FGF13: variants seen among roughly 807,000 people sequenced by gnomAD.
The protein encoded by FGF13 is fibroblast growth factor 13.
A neutral mutation model predicts 19.5 loss-of-function variants in FGF13; 2 were observed. The observed-to-expected ratio is 0.10, with a 90% confidence interval of 0.04 to 0.32. The LOEUF (loss-of-function observed/expected upper bound fraction) is 0.32, where lower values mean the gene tolerates loss of function less well. Ranked by LOEUF, FGF13 falls within the 10% of genes least tolerant of loss-of-function variation. The pLI is 1.00. For missense variants in FGF13, 113 were observed against 192.7 expected, an observed-to-expected ratio of 0.59 and a Z score of 2.45; for synonymous variants, 72 against 76.9, an observed-to-expected ratio of 0.94 and a Z score of 0.33.
chrX:138,768,737 TG>T lies in FGF13; in HGVS notation c.218-59810del, dbSNP rs201088160. On this transcript the variant is annotated intron_variant, in intron 3 of 6. Coordinates refer to the FGF13 transcript ENST00000436198. ...TATATAAGTATATATTATATATATA[TG>T]ATATATATATATATATAATTTCACA... 3.4e-3 allele frequency among the ~76,000 whole-genome samples: 331 copies of T among 97,435 alleles called. 4 individuals are homozygous for T. Among genetic ancestry groups the T allele is most frequent in the African/African-American group, 0.013 (310 of 23,133 alleles). The allele number at this position is 97,435 out of a possible 115,157, so 84.6% of individuals were successfully genotyped here.
At chrX:139,196,757 G>A (rs892458152) in intron 1 of FGF13, among the ~76,000 whole-genome samples, 3 of 111,640 alleles carry the variant, frequency 2.7e-5, no homozygotes, top group Middle Eastern at 4.7e-3. Context: ...GGATGGCCTC[G>A]GTCTGTTTCT....
intron 1 of FGF13, among the ~76,000 whole-genome samples, chrX:139,131,510 A>G (rs1467210023): frequency 1.8e-5 from 2 of 108,247 alleles, no homozygotes; most frequent in African/African-American, 7.1e-5. Flanking sequence ...CCGAGATTGG[A>G]GGATCTCTTG....
upstream of FGF13, among the ~76,000 whole-genome samples, chrX:139,204,565 G>T (rs1213636451): frequency 8.9e-6 from 1 of 112,937 alleles, no homozygotes; most frequent in Non-Finnish European, 1.9e-5. Context: ...TTGCCTGGGT[G>T]GGCTGCCCGC....
intron 1 of FGF13, among the ~76,000 whole-genome samples, chrX:138,881,282 C>A (rs1378369903): frequency 1.8e-5 from 2 of 111,654 alleles, no homozygotes; most frequent in Admixed American, 1.9e-4. Flanking sequence ...TTGCACCCTG[C>A]AATTTTGCTC....
intron 2 of FGF13, among the ~76,000 whole-genome samples, chrX:138,861,121 A>G (rs2091286134): frequency 8.9e-6 from 1 of 112,443 alleles, no homozygotes; most frequent in South Asian, 3.7e-4. Flanking sequence ...TCAGGTGGGC[A>G]AGCTTGCATC....
chrX:139,164,733 A>G (rs2084067140), intron 1 of FGF13, among the ~76,000 whole-genome samples: 1 of 101,841 alleles, frequency 9.8e-6, no homozygotes, highest in Admixed American at 1.0e-4. Flanking sequence ...ATGAATGGAG[A>G]ATTCTATTAA....
intron 1 of FGF13, among the ~76,000 whole-genome samples, chrX:139,067,092 TA>T (rs1181716118): frequency 8.9e-6 from 1 of 111,764 alleles, no homozygotes; most frequent in Non-Finnish European, 1.9e-5. Flanking sequence ...CTCTTCATGC[TA>T]AAAACTCTCA....
chrX:138,989,178 A>G lies in FGF13; in HGVS notation c.-112-124528T>C, dbSNP rs184571517. 6.3e-5 allele frequency among the ~76,000 whole-genome samples: 7 copies of G among 111,778 alleles called. No individual in the cohort carries two copies. The East Asian group carries it at 1.7e-3, about 27-fold the overall frequency. ...AACGGCATGTGCATTTAACTACCAG[A>G]AAGGACTCTTTACAAACTGGATCAA... On this transcript the variant is annotated intron_variant, in intron 1 of 2. Transcript: ENST00000421460.
At chrX:138,855,509 C>T (rs2091252038), downstream of FGF13, among the ~76,000 whole-genome samples, 1 of 111,406 alleles carries the variant, frequency 9.0e-6, no homozygotes, top group Non-Finnish European at 1.9e-5. Flanking sequence ...GGCAGGAGGA[C>T]CTGGAAGGAG....
intron 1 of FGF13, among the ~76,000 whole-genome samples, chrX:138,935,266 G>C (rs1035615780): frequency 9.0e-6 from 1 of 111,113 alleles, no homozygotes; most frequent in African/African-American, 3.3e-5. Context: ...CTGGGACGCT[G>C]AGCGTTTGAG....
At chrX:138,830,420 T>C (rs956224472) in intron 3 of FGF13, among the ~76,000 whole-genome samples, 2 of 111,576 alleles carry the variant, frequency 1.8e-5, no homozygotes, top group Non-Finnish European at 3.8e-5. Flanking sequence ...AGACCATCCT[T>C]GTTATATAAT....
At chrX:139,118,778 T>C (rs774131546) in intron 1 of FGF13, among the ~76,000 whole-genome samples, 5 of 110,614 alleles carry the variant, frequency 4.5e-5, no homozygotes, top group Non-Finnish European at 9.5e-5. Flanking sequence ...CCTCTCAGCT[T>C]TGGGAGGCTA....
At chrX:139,166,960 G>T (rs1287574272) in intron 1 of FGF13, among the ~76,000 whole-genome samples, 1 of 110,872 alleles carries the variant, frequency 9.0e-6, no homozygotes, top group Non-Finnish European at 1.9e-5. Flanking sequence ...TCAATTTCCA[G>T]CCTCCCTCTT....
chrX:138,728,813 C>T (rs1333564459), intron 1 of FGF13, among the ~76,000 whole-genome samples: 6 of 110,949 alleles, frequency 5.4e-5, no homozygotes, highest in African/African-American at 2.0e-4. Context: ...CACCCTCCTG[C>T]CTGTGTTATG....
At chrX:139,032,201 T>C (rs2092229451) in intron 1 of FGF13, among the ~76,000 whole-genome samples, 1 of 112,066 alleles carries the variant, frequency 8.9e-6, no homozygotes, top group Admixed American at 9.5e-5. Flanking sequence ...GCCACAGAAC[T>C]CTTTATCTAA....
chrX:138,773,999 T>C (rs1263716651), intron 3 of FGF13, among the ~76,000 whole-genome samples: 1 of 111,468 alleles, frequency 9.0e-6, no homozygotes, highest in Non-Finnish European at 1.9e-5. Flanking sequence ...CCATGAGCCA[T>C]TCATTCCAAT....
intron 3 of FGF13, among the ~76,000 whole-genome samples, chrX:138,637,680 G>A (rs1206218222): frequency 9.0e-6 from 1 of 111,726 alleles, no homozygotes; most frequent in East Asian, 2.8e-4. Context: ...TGTGGCTTCA[G>A]ACAGCTTATC....
At chrX:139,017,540 T>A (rs1603129916) in intron 1 of FGF13, among the ~76,000 whole-genome samples, 1 of 111,126 alleles carries the variant, frequency 9.0e-6, no homozygotes, top group South Asian at 3.8e-4. Flanking sequence ...CCAAGTACTA[T>A]AACTATATTA....
At chrX:139,062,629 C>A (rs1022191232) in intron 1 of FGF13, among the ~76,000 whole-genome samples, 3 of 111,956 alleles carry the variant, frequency 2.7e-5, no homozygotes, top group Non-Finnish European at 5.6e-5. Context: ...ATCTGTAAAT[C>A]ATCTTAGGTA....
Sources: allele counts gnomAD v4.1 joint callset (sites outside exome capture counted in the v4.1 genomes callset), GRCh38; gene constraint gnomAD v4.1.1; transcripts MANE v1.5; gene names NCBI Gene and HGNC (gene_info 2026-07-23, HGNC 2026-07-21).